The following VCF1 variants were observed in gnomAD, a reference collection of about 807,000 sequenced individuals.
VCF1 encodes protein VCF1.
the VCF1 span, among the ~76,000 whole-genome samples, chr17:73,216,295 G>A: frequency 6.6e-6 from 1 of 152,290 alleles, no homozygotes; most frequent in African/African-American, 2.4e-5. Context: ...TAGGGTACTC[G>A]AGCATCAGGA....
the VCF1 span, among the ~76,000 whole-genome samples, chr17:73,228,347 C>G: frequency 6.6e-6 from 1 of 152,212 alleles, no homozygotes; most frequent in South Asian, 2.1e-4. Context: ...ATAGTGTCTT[C>G]TAAATAATTA....
the VCF1 span, among the ~76,000 whole-genome samples, chr17:73,227,437 AAG>A: frequency 6.6e-6 from 1 of 152,244 alleles, no homozygotes; most frequent in Admixed American, 6.5e-5. Context: ...ACTGGACACT[AAG>A]AGCAAAAATA....
the VCF1 span, among the ~76,000 whole-genome samples, chr17:73,221,218 TC>T: frequency 6.6e-6 from 1 of 151,608 alleles, no homozygotes; most frequent in East Asian, 1.9e-4. Context: ...TTTAATTTCT[TC>T]CCTCCTAAGG....
the VCF1 span, among the ~76,000 whole-genome samples, chr17:73,222,921 T>TG: frequency 6.6e-6 from 1 of 152,146 alleles, no homozygotes; most frequent in African/African-American, 2.4e-5. Context: ...AACCACACCC[T>TG]GGGGCTCCGT....
At chr17:73,207,651 T>C in the VCF1 span, 2 of 1,282,222 alleles carry the variant, frequency 1.6e-6, no homozygotes, top group Non-Finnish European at 2.0e-6. Context: ...AACAGAAAAT[T>C]TGTTTCCCCA....
chr17:73,212,282 T>C, the VCF1 span, among the ~76,000 whole-genome samples: 1 of 152,282 alleles, frequency 6.6e-6, no homozygotes, highest in East Asian at 1.9e-4. Context: ...AGATAACTTA[T>C]CTGAAACAAT....
At chr17:73,211,216 T>G in the VCF1 span, among the ~76,000 whole-genome samples, 1 of 150,934 alleles carries the variant, frequency 6.6e-6, no homozygotes, top group Admixed American at 6.6e-5. Flanking sequence ...AGCACTTTGG[T>G]TGGCTGAGGC....
At chr17:73,228,638 A>AG in the VCF1 span, among the ~76,000 whole-genome samples, 1 of 152,196 alleles carries the variant, frequency 6.6e-6, no homozygotes, top group African/African-American at 2.4e-5. Context: ...CCTTTCTCTT[A>AG]GGAGATCAGA....
At chr17:73,223,194 G>A in the VCF1 span, among the ~76,000 whole-genome samples, 1 of 152,180 alleles carries the variant, frequency 6.6e-6, no homozygotes, top group Non-Finnish European at 1.5e-5. Context: ...GCACATGCCT[G>A]TAATCCCAGC....
chr17:73,217,747 G>A, the VCF1 span, among the ~76,000 whole-genome samples: 1 of 148,654 alleles, frequency 6.7e-6, no homozygotes, highest in African/African-American at 2.4e-5. Context: ...TGAGGCAGGT[G>A]GATTGCCTGA....
the VCF1 span, chr17:73,207,566 T>C: frequency 3.6e-4 from 253 of 698,318 alleles, no homozygotes; most frequent in Middle Eastern, 8.3e-4. Flanking sequence ...GGCACTATCA[T>C]TGTACTTGTT....
the VCF1 span, among the ~76,000 whole-genome samples, chr17:73,213,076 T>C: frequency 6.6e-6 from 1 of 151,982 alleles, no homozygotes; most frequent in African/African-American, 2.4e-5. Flanking sequence ...AAACCCCGTC[T>C]CTACTAAAAA....
chr17:73,227,568 C>T, the VCF1 span: 1 of 927,612 alleles, frequency 1.1e-6, no homozygotes, highest in Non-Finnish European at 1.3e-6. Flanking sequence ...AATGACTAAG[C>T]TTTCAACCTC....
At chr17:73,212,747 A>G in the VCF1 span, 2 of 1,579,526 alleles carry the variant, frequency 1.3e-6, no homozygotes, top group Non-Finnish European at 1.7e-6. Context: ...CTGTCTGAAA[A>G]TCAAGGCAAG....
At chr17:73,226,967 C>T in the VCF1 span, among the ~76,000 whole-genome samples, 1 of 152,260 alleles carries the variant, frequency 6.6e-6, no homozygotes, top group East Asian at 1.9e-4. Context: ...TGACTATGTG[C>T]ACATATGTAC....
At chr17:73,227,779 A>C in the VCF1 span, 1 of 398,102 alleles carries the variant, frequency 2.5e-6, no homozygotes, top group African/African-American at 2.2e-5. Flanking sequence ...ATGATATAAC[A>C]ATTACTTCAC....
At chr17:73,211,894 G>A in the VCF1 span, among the ~76,000 whole-genome samples, 1 of 152,168 alleles carries the variant, frequency 6.6e-6, no homozygotes, top group Non-Finnish European at 1.5e-5. Flanking sequence ...ATCTGGGCGT[G>A]GTGGCTCGCG....
At chr17:73,221,194 A>G in the VCF1 span, among the ~76,000 whole-genome samples, 1 of 146,552 alleles carries the variant, frequency 6.8e-6, no homozygotes, top group South Asian at 2.2e-4. Flanking sequence ...ACCGGGCCCC[A>G]GCCAAATTTA....
At chr17:73,231,081 T>C in the VCF1 span, among the ~76,000 whole-genome samples, 16 of 152,312 alleles carry the variant, frequency 1.1e-4, no homozygotes, top group African/African-American at 3.8e-4. Flanking sequence ...CACTCTTCTT[T>C]TCTATACAAG....
Sources: gnomAD v4.1 joint callset for allele counts (sites outside exome capture counted in the v4.1 genomes callset) on GRCh38, gnomAD v4.1.1 for gene constraint, MANE v1.5 for transcripts, NCBI Gene and HGNC (gene_info 2026-07-23, HGNC 2026-07-21) for gene names.